The following CNBD1 variants were observed in gnomAD, a reference collection of about 807,000 sequenced individuals.
The protein encoded by CNBD1 is cyclic nucleotide-binding domain-containing protein 1.
In CNBD1, 71 loss-of-function variants were observed where a neutral mutation model predicts 54.4. The observed-to-expected ratio is 1.30, with a 90% CI of 1.08 to 1.59. The LOEUF (loss-of-function observed/expected upper bound fraction) is 1.59. Among genes scored for constraint, CNBD1 ranks in the 40% most tolerant of loss-of-function variants. The pLI is 0.00. For missense variants in CNBD1, 659 were observed against 518.0 expected, an observed-to-expected ratio of 1.27 and a Z score of -2.64; for synonymous variants, 182 against 170.7, an observed-to-expected ratio of 1.07 and a Z score of -0.51.
chr8:86,904,884 A>G (rs562775272), intron 2 of CNBD1, among the ~76,000 whole-genome samples, 197 bp from the exon 3 acceptor site: 26 of 152,102 alleles, frequency 1.7e-4, no homozygotes, highest in Non-Finnish European at 3.2e-4. Flanking sequence ...ATTATCATAC[A>G]TTTTGTATTT....
chr8:87,421,021 A>G (rs752463098), intron 2 of CNBD1, among the ~76,000 whole-genome samples: 10 of 152,136 alleles, frequency 6.6e-5, no homozygotes, highest in Non-Finnish European at 1.0e-4. Flanking sequence ...AAAATTCTGG[A>G]TAACAAAATC....
intron 2 of CNBD1, among the ~76,000 whole-genome samples, chr8:87,394,428 A>G (rs1299207286): frequency 5.9e-5 from 9 of 151,798 alleles, no homozygotes; most frequent in Middle Eastern, 3.4e-3. Flanking sequence ...ACACTTTTCT[A>G]TTTTTATCTT....
chr8:87,261,890 A>G (rs1808146307), intron 6 of CNBD1, among the ~76,000 whole-genome samples: 1 of 152,046 alleles, frequency 6.6e-6, no homozygotes, highest in African/African-American at 2.4e-5. Flanking sequence ...TCACACCTAT[A>G]ATCCCGGCAC....
In CNBD1 at chr8:87,412,222, C is replaced by T. The variant is rs148804063; in HGVS notation, c.214-16324C>T. Among the ~76,000 whole-genome samples, 462 of 152,108 alleles carry T rather than the reference C, an allele frequency of 3.0e-3. 5 individuals carry two copies. Among genetic ancestry groups the T allele is most frequent in the African/African-American group, 9.9e-3 (413 of 41,540 alleles). ...GCTAATCATTTATGTATGTAATCTC[C>T]ATCATCATCTAACATCCAAATCCTT... On this transcript the variant is annotated intron_variant, in intron 2 of 7. Transcript: ENST00000521593.
At chr8:87,421,347 A>C (rs1280710991) in intron 2 of CNBD1, among the ~76,000 whole-genome samples, 1 of 151,514 alleles carries the variant, frequency 6.6e-6, no homozygotes, top group Non-Finnish European at 1.5e-5. Flanking sequence ...ATAGGTATAC[A>C]TGTGCCATGC....
intron 4 of CNBD1, among the ~76,000 whole-genome samples, chr8:87,025,066 C>T (rs747058844): frequency 7.2e-5 from 11 of 151,916 alleles, no homozygotes; most frequent in African/African-American, 1.9e-4. Flanking sequence ...GCCAGCTGGG[C>T]GTCTGGGTAG....
chr8:87,376,016 A>T (rs1211824331), intron 10 of CNBD1, among the ~76,000 whole-genome samples: 1 of 151,938 alleles, frequency 6.6e-6, no homozygotes, highest in Non-Finnish European at 1.5e-5. Flanking sequence ...CAAATTTAAA[A>T]ATTATGCAAT....
intron 4 of CNBD1, among the ~76,000 whole-genome samples, chr8:87,031,089 T>G (rs1809779420): frequency 6.6e-6 from 1 of 150,796 alleles, no homozygotes; most frequent in African/African-American, 2.4e-5. Flanking sequence ...GCTCCCAGAT[T>G]AAAGAAGTTA....
chr8:87,106,122 T>C (rs940642649), intron 4 of CNBD1, among the ~76,000 whole-genome samples: 1 of 152,168 alleles, frequency 6.6e-6, no homozygotes, highest in African/African-American at 2.4e-5. Flanking sequence ...TTAGATATTT[T>C]CTTTTTCTTT....
intron 4 of CNBD1, among the ~76,000 whole-genome samples, chr8:87,001,395 G>A (rs1198994076): frequency 1.3e-5 from 2 of 151,898 alleles, no homozygotes; most frequent in Non-Finnish European, 2.9e-5. Flanking sequence ...TTATTTTTTG[G>A]AAGAGGATAT....
At chr8:87,077,337 T>C (rs1046713299) in intron 4 of CNBD1, among the ~76,000 whole-genome samples, 1 of 151,986 alleles carries the variant, frequency 6.6e-6, no homozygotes, top group Admixed American at 6.5e-5. Context: ...GGTTTATGAA[T>C]GGCTATCTTC....
chr8:87,402,507 T>G (rs1428156277), intron 2 of CNBD1, among the ~76,000 whole-genome samples: 2 of 152,084 alleles, frequency 1.3e-5, no homozygotes, highest in Non-Finnish European at 2.9e-5. Flanking sequence ...TGAATAGGTT[T>G]TCTTTTAACT....
intron 10 of CNBD1, among the ~76,000 whole-genome samples, chr8:87,358,502 A>G (rs1421541883): frequency 2.6e-5 from 4 of 152,146 alleles, no homozygotes; most frequent in Non-Finnish European, 5.9e-5. Flanking sequence ...GGTGCAAGGC[A>G]AATACACTGT....
At chr8:87,267,160 G>A (rs1808275102) in intron 6 of CNBD1, among the ~76,000 whole-genome samples, 1 of 151,956 alleles carries the variant, frequency 6.6e-6, no homozygotes, top group Admixed American at 6.6e-5. Context: ...AAATCAAAAA[G>A]GACAATATAA....
chr8:87,240,046 A>G (rs987945579), intron 6 of CNBD1, among the ~76,000 whole-genome samples: 1 of 150,120 alleles, frequency 6.7e-6, no homozygotes, highest in African/African-American at 2.5e-5. Context: ...CAGCATAAAT[A>G]TAGTATGGTC....
At position 87,381,096 on chromosome 8, in the gene CNBD1, G is replaced by A. The variant is rs575399705; in HGVS notation, c.1304-1524G>A. Among the ~76,000 whole-genome samples, 147 of 152,048 alleles carry A rather than the reference G, an allele frequency of 9.7e-4. 1 individual carries two copies. Among genetic ancestry groups the A allele is most frequent in the Non-Finnish European group, 1.7e-3 (117 of 67,936 alleles). ...AAAGGAACCAATCACCAGAGCAAAG[G>A]CAACCTATAGAATGGGAGAAAATAT... On this transcript the variant is annotated intron_variant, in intron 10 of 10. Coordinates refer to ENST00000518476, the MANE Select transcript of CNBD1 (RefSeq NM_173538.3).
chr8:87,324,782 T>C lies in CNBD1; in HGVS notation c.1043-26903T>C, dbSNP rs1284110661. ...CTGGATTCATTGATTTTTTGAAGGG[T>C]TTTTTGTGTCTCTATTTCCTTCAGT... On this transcript the variant is annotated intron_variant, in intron 8 of 10. Coordinates refer to ENST00000518476, the MANE Select transcript of CNBD1 (RefSeq NM_173538.3). Among the ~76,000 whole-genome samples, 6 of 140,814 alleles carry C rather than the reference T, an allele frequency of 4.3e-5. No individual in the cohort carries two copies. In the South Asian group the frequency reaches 6.6e-4, roughly 15 times the overall value. The allele number at this position is 140,814 out of a possible 152,430, so 92.4% of individuals were successfully genotyped here.
chr8:87,385,493 C>A (rs973080458), downstream of CNBD1, among the ~76,000 whole-genome samples: 3 of 152,042 alleles, frequency 2.0e-5, no homozygotes, highest in Non-Finnish European at 2.9e-5. Flanking sequence ...CTCGGAGGGT[C>A]CTACGCCCAC....
chr8:87,181,472 T>G (rs1193073907), intron 4 of CNBD1, among the ~76,000 whole-genome samples: 1 of 152,196 alleles, frequency 6.6e-6, no homozygotes, highest in East Asian at 1.9e-4. Context: ...TGTCAATAAT[T>G]CTGTCCATTT....
Sources: gnomAD v4.1 joint callset for allele counts (sites outside exome capture counted in the v4.1 genomes callset) on GRCh38, gnomAD v4.1.1 for gene constraint, MANE v1.5 for transcripts, NCBI Gene and HGNC (gene_info 2026-07-23, HGNC 2026-07-21) for gene names.